SORCS3: variants seen among roughly 807,000 people sequenced by gnomAD.
SORCS3 encodes the protein VPS10 domain-containing receptor SorCS3.
Under a neutral mutation model 146.3 loss-of-function variants are expected in SORCS3, and 57 were observed. That is an observed-to-expected ratio of 0.39 (90% CI 0.31 to 0.49). The LOEUF (loss-of-function observed/expected upper bound fraction) is 0.49. Ranked by LOEUF, SORCS3 falls within the 20% of genes least tolerant of loss-of-function variation. SORCS3 has a pLI of 0.92. For missense variants in SORCS3, 1,341 were observed against 1,575.5 expected (o/e 0.85, Z 2.52); for synonymous variants, 653 against 618.5 (o/e 1.06, Z -0.83).
chr10:104,845,284 C>T (rs2018191337), intron 2 of SORCS3, among the ~76,000 whole-genome samples: 1 of 152,134 alleles, frequency 6.6e-6, no homozygotes, highest in Admixed American at 6.6e-5. Context: ...CTTCCCACAC[C>T]CACTCACATC....
At chr10:105,100,406 G>A (rs2055775868) in intron 6 of SORCS3, among the ~76,000 whole-genome samples, 1 of 152,200 alleles carries the variant, frequency 6.6e-6, no homozygotes, top group Non-Finnish European at 1.5e-5. Context: ...GGAGAGGTTA[G>A]AAAATAGAAG....
At chr10:104,777,228 A>G (rs2017320326) in intron 1 of SORCS3, among the ~76,000 whole-genome samples, 1 of 152,164 alleles carries the variant, frequency 6.6e-6, no homozygotes, top group Non-Finnish European at 1.5e-5. Context: ...TCATTTTGCA[A>G]ATAAGGAAAC....
chr10:104,735,477 T>TTTTTTTTTTTTTTTTTTTTTTTTTTTTTA (rs1564671258), intron 1 of SORCS3, among the ~76,000 whole-genome samples: 1 of 141,878 alleles, frequency 7.0e-6, no homozygotes, highest in Non-Finnish European at 1.5e-5. Context: ...TTTTTTTTTT[T>TTTTTTTTTTTTTTTTTTTTTTTTTTTTTA]AATCAATCCC....
chr10:104,780,071 G>T (rs1283695595), intron 1 of SORCS3, among the ~76,000 whole-genome samples: 3 of 151,762 alleles, frequency 2.0e-5, no homozygotes, highest in Non-Finnish European at 2.9e-5. Context: ...GGGGTGACGG[G>T]TGGTACAAAT....
chr10:105,108,002 C>T (rs950426516), intron 7 of SORCS3, among the ~76,000 whole-genome samples: 3 of 151,790 alleles, frequency 2.0e-5, no homozygotes, highest in South Asian at 4.2e-4. Context: ...AGCAGCAAAA[C>T]GATGCCCTAG....
intron 3 of SORCS3, among the ~76,000 whole-genome samples, chr10:104,931,183 C>G (rs909066597): frequency 4.3e-4 from 65 of 152,028 alleles, no homozygotes; most frequent in Non-Finnish European, 6.8e-4. Context: ...GGGGGGAGTC[C>G]CTTATTCAAA....
At chr10:104,716,967 C>T (rs2016486578) in intron 1 of SORCS3, among the ~76,000 whole-genome samples, 1 of 152,068 alleles carries the variant, frequency 6.6e-6, no homozygotes, top group Non-Finnish European at 1.5e-5. Context: ...GTCTTCTCCA[C>T]CAAAAAAGAA....
At chr10:104,960,199 G>A (rs2054785838) in intron 3 of SORCS3, among the ~76,000 whole-genome samples, 1 of 152,134 alleles carries the variant, frequency 6.6e-6, no homozygotes, top group Non-Finnish European at 1.5e-5. Flanking sequence ...GGCTCTTTCA[G>A]CTAGACCAGG....
chr10:105,018,466 A>G (rs142204549), intron 4 of SORCS3, among the ~76,000 whole-genome samples: 1 of 152,230 alleles, frequency 6.6e-6, no homozygotes, highest in Non-Finnish European at 1.5e-5. Context: ...AACTAATTGG[A>G]GGAGGAGTGG....
At chr10:104,652,799 A>T (rs1029403996) in intron 1 of SORCS3, among the ~76,000 whole-genome samples, 1 of 152,210 alleles carries the variant, frequency 6.6e-6, no homozygotes, top group Non-Finnish European at 1.5e-5. Context: ...TTTTCAGATC[A>T]TGTGAAGTGT....
At chr10:104,782,181 ATGTTTCCAG>A (rs1261204630) in intron 1 of SORCS3, among the ~76,000 whole-genome samples, 2 of 152,186 alleles carry the variant, frequency 1.3e-5, no homozygotes, top group Non-Finnish European at 2.9e-5. Flanking sequence ...CTCACTTATG[ATGTTTCCAG>A]TGACTGACAG....
intron 1 of SORCS3, among the ~76,000 whole-genome samples, chr10:104,804,299 C>T (rs974042153): frequency 2.6e-5 from 4 of 152,170 alleles, no homozygotes; most frequent in South Asian, 2.1e-4. Context: ...ATTTGAATTT[C>T]GTTCTTCCAG....
chr10:104,822,224 A>G, intron 1 of SORCS3: 1 of 392,312 alleles, frequency 2.5e-6, no homozygotes, highest in Admixed American at 3.1e-5. Context: ...GTTTCTTATC[A>G]TGGAGGGAGA....
chr10:105,155,942 G>A (rs966898039), intron 9 of SORCS3, among the ~76,000 whole-genome samples: 26 of 152,056 alleles, frequency 1.7e-4, no homozygotes, highest in African/African-American at 5.6e-4. Context: ...AGACCAATCA[G>A]GTTACTTAAA....
At chr10:105,121,031 G>A (rs2055928852) in intron 7 of SORCS3, among the ~76,000 whole-genome samples, 1 of 152,166 alleles carries the variant, frequency 6.6e-6, no homozygotes, top group Non-Finnish European at 1.5e-5. Context: ...GTTCTGGTCA[G>A]GAAGGCAGAT....
intron 5 of SORCS3, among the ~76,000 whole-genome samples, chr10:105,069,009 T>A (rs901549496): frequency 2.6e-5 from 4 of 152,234 alleles, no homozygotes; most frequent in African/African-American, 9.6e-5. Flanking sequence ...GTGAACAGCA[T>A]CTACCATAGA....
At chr10:104,792,577 CA>C (rs1440395599) in intron 1 of SORCS3, among the ~76,000 whole-genome samples, 1 of 152,200 alleles carries the variant, frequency 6.6e-6, no homozygotes, top group Non-Finnish European at 1.5e-5. Flanking sequence ...ATGCAATGAA[CA>C]TTTATCCTTA....
At chr10:105,259,533 A>G (rs957516996) in intron 25 of SORCS3, among the ~76,000 whole-genome samples, 1 of 152,200 alleles carries the variant, frequency 6.6e-6, no homozygotes, top group African/African-American at 2.4e-5. Flanking sequence ...AATGAGTATC[A>G]CCTGGCCTCT....
chr10:105,116,577 A>T (rs2055894911), intron 7 of SORCS3, among the ~76,000 whole-genome samples: 2 of 152,222 alleles, frequency 1.3e-5, no homozygotes, highest in Admixed American at 6.5e-5. Flanking sequence ...GTAAAGACAC[A>T]TGCACACATG....
Sources: allele counts gnomAD v4.1 joint callset (sites outside exome capture counted in the v4.1 genomes callset), GRCh38; gene constraint gnomAD v4.1.1; transcripts MANE v1.5; gene names NCBI Gene and HGNC (gene_info 2026-07-23, HGNC 2026-07-21).